Variants in FGF12 observed in about 807,000 individuals in gnomAD.
The protein encoded by FGF12 is fibroblast growth factor 12, also known as fibroblast growth factor 12B.
In FGF12, 14 loss-of-function variants were observed where a neutral mutation model predicts 23.6. That is an observed-to-expected ratio of 0.59 (90% CI 0.39 to 0.93). The LOEUF is 0.93. FGF12 is among the 40% of genes least tolerant of loss of function. The pLI is 0.00. For synonymous variants in FGF12, 62 were observed against 77.3 expected (o/e 0.80, Z 1.04); for missense variants, 175 against 217.8 (o/e 0.80, Z 1.24).
At chr3:192,230,246 A>G (rs1455162908) in intron 4 of FGF12, among the ~76,000 whole-genome samples, 1 of 152,148 alleles carries the variant, frequency 6.6e-6, no homozygotes, top group Non-Finnish European at 1.5e-5. Flanking sequence ...TGATATCCCA[A>G]TTATGTGATG....
chr3:192,408,462 G>T lies in FGF12; in HGVS notation c.14-47924C>A. ...AACTTCCCCAACCTCTGGCGGCCGG[G>T]GGGCGGGGCGGGGCGGTCCCAGGCC... On this transcript the variant is annotated intron_variant, in intron 2 of 5. Transcript: ENST00000445105. The surrounding 1 kb of genome is among the most constrained non-coding windows in gnomAD (Gnocchi z 7.3). 1 of 1,355,932 alleles carries T rather than the reference G, an allele frequency of 7.4e-7. No individual in the cohort carries two copies. The highest frequency in any genetic ancestry group is 9.4e-7 in the Non-Finnish European group (1 of 1,058,248). The allele number at this position is 1,355,932 out of a possible 1,614,324, so 84.0% of individuals were successfully genotyped here. A position where few individuals can be genotyped will look rare whatever the true frequency, so the allele number is the denominator to read the frequency against.
At chr3:192,715,243 A>G (rs1718831415) in intron 2 of FGF12, among the ~76,000 whole-genome samples, 1 of 152,218 alleles carries the variant, frequency 6.6e-6, no homozygotes, top group Non-Finnish European at 1.5e-5. Flanking sequence ...ACAGGCTTCC[A>G]CAATTTGCTT....
intron 2 of FGF12, among the ~76,000 whole-genome samples, chr3:192,698,873 T>C (rs1252471528): frequency 2.0e-5 from 3 of 152,198 alleles, no homozygotes; most frequent in Non-Finnish European, 4.4e-5. Flanking sequence ...GAGAAGACCT[T>C]AGTTGTCAAT....
intron 4 of FGF12, among the ~76,000 whole-genome samples, chr3:192,253,199 A>AT (rs1560036300): frequency 6.6e-6 from 1 of 152,120 alleles, no homozygotes; most frequent in Non-Finnish European, 1.5e-5. Flanking sequence ...CATACTTTAC[A>AT]AAAGTGCTCA....
chr3:192,661,240 G>C (rs568283224), intron 2 of FGF12, among the ~76,000 whole-genome samples: 22 of 152,302 alleles, frequency 1.4e-4, no homozygotes, highest in African/African-American at 5.1e-4. Context: ...AAATTAAATA[G>C]GCTGGGCGCT....
chr3:192,232,645 T>C (rs1439992999), intron 4 of FGF12, among the ~76,000 whole-genome samples: 2 of 152,100 alleles, frequency 1.3e-5, no homozygotes, highest in African/African-American at 4.8e-5. Flanking sequence ...ATGATTTTGT[T>C]ACCCAGATAG....
At chr3:192,379,143 T>C in intron 2 of FGF12, among the ~76,000 whole-genome samples, 1 of 152,198 alleles carries the variant, frequency 6.6e-6, no homozygotes. Flanking sequence ...ATTTTCTTTA[T>C]CCAATCCACC....
rs34526901 is a variant in FGF12 at position 192,321,495 on chromosome 3, CAA to C, written c.228+13864_228+13865del. Among the ~76,000 whole-genome samples the C allele has an allele frequency of 2.5e-3, 278 of 109,678 alleles. 2 individuals are homozygous for C. Among genetic ancestry groups the C allele is most frequent in the African/African-American group, 8.2e-3 (256 of 31,164 alleles). 72.0% of individuals were successfully genotyped at this position (109,678 alleles called of 152,430 possible). On this transcript the variant is annotated intron_variant, in intron 4 of 5. Coordinates refer to ENST00000445105, the MANE Select transcript of FGF12 (RefSeq NM_004113.6). Reference sequence around the variant, plus strand: ...GATACCAAAACCTGATAAAGACATTCAAAAAAAAAAAAAAAACCACACAAAAA... The same window carrying C: ...GATACCAAAACCTGATAAAGACATTCAAAAAAAAAAAAAACCACACAAAAA...
Position 192,533,375 on chromosome 3 carries a change from G to C in FGF12, c.14-172837C>G, listed in dbSNP as rs573623576. Among the ~76,000 whole-genome samples, 3 of 152,280 alleles carry C rather than the reference G, an allele frequency of 2.0e-5. No individual in the cohort carries two copies. In the South Asian group the frequency reaches 6.2e-4, roughly 32 times the overall value. ...GGTGGTATTTTTTTAAAGTAATACA[G>C]TTAATGTATAAAATATTAGCAAAAT... On this transcript the variant is annotated intron_variant, in intron 2 of 5. Transcript: ENST00000445105.
intron 2 of FGF12, among the ~76,000 whole-genome samples, chr3:192,583,248 C>T (rs1380323812): frequency 6.6e-6 from 1 of 152,160 alleles, no homozygotes; most frequent in Non-Finnish European, 1.5e-5. Flanking sequence ...TTATATTCTC[C>T]ATGGGGCCTA....
intron 4 of FGF12, among the ~76,000 whole-genome samples, chr3:192,170,994 A>G (rs1715529971): frequency 6.6e-6 from 1 of 152,186 alleles, no homozygotes. Context: ...ACTCACCCTT[A>G]ACATGTAAAT....
intron 2 of FGF12, among the ~76,000 whole-genome samples, chr3:192,615,488 C>T (rs1325557777): frequency 2.0e-5 from 3 of 151,910 alleles, no homozygotes; most frequent in Admixed American, 6.6e-5. Context: ...TTACCAGCCC[C>T]GCCAGACCCC....
intron 2 of FGF12, among the ~76,000 whole-genome samples, chr3:192,396,369 T>C (rs559916664): frequency 3.1e-4 from 47 of 152,324 alleles, no homozygotes; most frequent in Middle Eastern, 6.8e-3. Context: ...ACTGTAGATA[T>C]TTAAACGCAT....
chr3:192,329,974 T>A, intron 4 of FGF12, among the ~76,000 whole-genome samples: 1 of 152,194 alleles, frequency 6.6e-6, no homozygotes, highest in South Asian at 2.1e-4. Context: ...CTCTATTTTT[T>A]AAATGTTATT....
intron 4 of FGF12, among the ~76,000 whole-genome samples, chr3:192,251,164 T>A (rs952342850): frequency 2.0e-5 from 3 of 152,190 alleles, no homozygotes; most frequent in African/African-American, 7.2e-5. Flanking sequence ...CTTTTGTCTG[T>A]TGATCAAATA....
At chr3:192,643,702 C>A (rs993290383) in intron 2 of FGF12, among the ~76,000 whole-genome samples, 1 of 152,102 alleles carries the variant, frequency 6.6e-6, no homozygotes, top group Non-Finnish European at 1.5e-5. Context: ...ATACATTCAT[C>A]ATTCTGGTTT....
At chr3:192,403,207 G>A (rs776567036) in intron 2 of FGF12, among the ~76,000 whole-genome samples, 4 of 152,068 alleles carry the variant, frequency 2.6e-5, no homozygotes, top group Non-Finnish European at 4.4e-5. Flanking sequence ...AATTTTATGA[G>A]ACAAAGCTTA....
intron 2 of FGF12, among the ~76,000 whole-genome samples, chr3:192,484,995 C>T (rs993884166): frequency 2.7e-5 from 4 of 149,904 alleles, no homozygotes; most frequent in African/African-American, 7.5e-5. Flanking sequence ...TATGTGTACA[C>T]ATAAATTTTA....
chr3:192,407,558 C>A (rs1481533648), intron 2 of FGF12, among the ~76,000 whole-genome samples: 1 of 152,148 alleles, frequency 6.6e-6, no homozygotes, highest in Non-Finnish European at 1.5e-5. Context: ...TACTAGGTGT[C>A]TATCATGGAT....
Sources: allele counts gnomAD v4.1 joint callset (sites outside exome capture counted in the v4.1 genomes callset), GRCh38; gene constraint gnomAD v4.1.1; non-coding constraint Gnocchi (gnomAD v3.1); transcripts MANE v1.5; gene names NCBI Gene and HGNC (gene_info 2026-07-23, HGNC 2026-07-21).